NR3C2: variants seen among roughly 807,000 people sequenced by gnomAD.
NR3C2 encodes mineralocorticoid receptor.
NR3C2 carries 15 observed loss-of-function variants against 86.4 expected under a neutral mutation model. The observed-to-expected ratio is 0.17, with a 90% CI of 0.12 to 0.27. The LOEUF (loss-of-function observed/expected upper bound fraction) is 0.27. Ranked by LOEUF, NR3C2 falls within the 10% of genes least tolerant of loss-of-function variation. NR3C2 has a pLI of 1.00. For missense variants in NR3C2, 960 were observed against 1,195.6 expected, an observed-to-expected ratio of 0.80 and a Z score of 2.91; for synonymous variants, 458 against 450.5, an observed-to-expected ratio of 1.02 and a Z score of -0.21.
chr4:148,156,528 T>A (rs1734394916), intron 4 of NR3C2, among the ~76,000 whole-genome samples: 1 of 152,158 alleles, frequency 6.6e-6, no homozygotes, highest in African/African-American at 2.4e-5. Flanking sequence ...AGAAGACATT[T>A]ATGCAGCCAA....
chr4:148,163,275 CCTAA>C (rs1734742994), intron 4 of NR3C2, among the ~76,000 whole-genome samples: 1 of 151,996 alleles, frequency 6.6e-6, no homozygotes, highest in Non-Finnish European at 1.5e-5. Flanking sequence ...GCAGTTCTGC[CCTAA>C]GGTAGAAGAA....
Position 148,435,544 on chromosome 4 carries a change from G to C in NR3C2, c.1317C>G (p.Thr439=). Residue 439 remains threonine, a synonymous_variant, in exon 2 of 9, where the codon ACC becomes ACG. Coordinates refer to ENST00000358102, the MANE Select transcript of NR3C2 (RefSeq NM_000901.5). The part of the protein sequence containing the change: ...QESTKHSCSG[T]SFKGNPTVNP... ...TTACTGTTGGATTCCCTTTAAAAGA[G>C]GTGCCTGAACATGAATGCTTGGTTG... 2 of 1,614,068 alleles carry C rather than the reference G, an allele frequency of 1.2e-6. No homozygotes were observed. Among genetic ancestry groups the C allele is most frequent in the Non-Finnish European group, 1.7e-6 (2 of 1,180,030 alleles).
At chr4:148,350,578 C>T (rs1359071265) in intron 2 of NR3C2, among the ~76,000 whole-genome samples, 1 of 152,170 alleles carries the variant, frequency 6.6e-6, no homozygotes, top group East Asian at 1.9e-4. Flanking sequence ...GAATAGTCTC[C>T]TAACCCATCT....
intron 3 of NR3C2, among the ~76,000 whole-genome samples, chr4:148,229,026 G>C (rs1330741517): frequency 6.6e-6 from 1 of 152,194 alleles, no homozygotes; most frequent in Non-Finnish European, 1.5e-5. Flanking sequence ...TTCTTGCCCA[G>C]GTCCCATGAA....
chr4:148,394,799 A>C (rs1248154589), intron 2 of NR3C2, among the ~76,000 whole-genome samples: 4 of 152,236 alleles, frequency 2.6e-5, no homozygotes, highest in Non-Finnish European at 5.9e-5. Context: ...TTGTGGTGAA[A>C]TAATTGGTAA....
chr4:148,426,712 C>T lies in NR3C2; in HGVS notation c.1757+8392G>A, dbSNP rs150896416. Among the ~76,000 whole-genome samples the T allele has an allele frequency of 2.4e-4, 37 of 152,304 alleles. No individual in the cohort carries two copies. In the East Asian group the frequency reaches 6.4e-3, roughly 26 times the overall value. On this transcript the variant is annotated intron_variant, in intron 2 of 8. Transcript: ENST00000358102. ...GTACTTGAGTCACTACATACATTCC[C>T]TCCCTGGGTAATATTACTTTTAACA... is the stretch of plus-strand genomic sequence containing the variant.
chr4:148,319,161 A>G (rs1743405753), intron 2 of NR3C2, among the ~76,000 whole-genome samples: 1 of 151,236 alleles, frequency 6.6e-6, no homozygotes, highest in Admixed American at 6.6e-5. Flanking sequence ...CGTTTTTCTC[A>G]GGTTTGTCAA....
rs1178425760 is a variant in NR3C2 at position 148,079,615 on chromosome 4, A to AGAT, written c.*1726_*1728dup. ...GCAATCATATTGTTAGTTTCCCCAAAGATACATATGTTTGTGATTTGGGGC... is the reference window on the plus strand; with the variant it reads ...GCAATCATATTGTTAGTTTCCCCAAAGATGATACATATGTTTGTGATTTGGGGC... On this transcript the variant is annotated 3_prime_UTR_variant, in exon 9 of 9. Transcript: ENST00000358102. 6.6e-6 allele frequency: 1 copy of AGAT among 151,036 alleles called. No individual in the cohort carries two copies. Among genetic ancestry groups the AGAT allele is most frequent in the African/African-American group, 2.5e-5 (1 of 39,972 alleles). 9.4% of individuals were successfully genotyped at this position (151,036 alleles called of 1,614,324 possible).
chr4:148,405,058 A>G (rs1748347873), intron 2 of NR3C2, among the ~76,000 whole-genome samples: 1 of 144,516 alleles, frequency 6.9e-6, no homozygotes, highest in African/African-American at 2.5e-5. Context: ...TAATTTCTAG[A>G]AAGATTTTGG....
In NR3C2 at chr4:148,216,864, C is replaced by T. The variant is rs541845308; in HGVS notation, c.1898-22002G>A. Among the ~76,000 whole-genome samples the T allele has an allele frequency of 5.8e-4, 88 of 152,252 alleles. 2 individuals are homozygous for T. The South Asian group carries it at 0.012, about 21-fold the overall frequency. On this transcript the variant is annotated intron_variant, in intron 3 of 8. Coordinates refer to ENST00000358102, the MANE Select transcript of NR3C2 (RefSeq NM_000901.5). ...TAGCTCATGATCACAACCAGAGGTA[C>T]GGTCTCCAAAGGTATCAAATTACAG...
At chr4:148,366,731 G>C (rs115996664) in intron 2 of NR3C2, among the ~76,000 whole-genome samples, 1 of 151,862 alleles carries the variant, frequency 6.6e-6, no homozygotes, top group African/African-American at 2.4e-5. Flanking sequence ...TAAATCCAGA[G>C]GGACTACTCT....
At chr4:148,135,141 A>G (rs1261799550) in intron 6 of NR3C2, among the ~76,000 whole-genome samples, 1 of 152,150 alleles carries the variant, frequency 6.6e-6, no homozygotes, top group African/African-American at 2.4e-5. Context: ...CAACAAGGAA[A>G]AGGAACAGCA....
chr4:148,442,702 G>A (rs1055699977), upstream of NR3C2: 3 of 985,284 alleles, frequency 3.0e-6, no homozygotes, highest in Non-Finnish European at 3.6e-6. Flanking sequence ...CTGCGACACA[G>A]CCTGGACTCG....
intron 3 of NR3C2, among the ~76,000 whole-genome samples, chr4:148,231,288 G>C (rs1738447086): frequency 6.6e-6 from 1 of 152,102 alleles, no homozygotes; most frequent in Admixed American, 6.5e-5. Flanking sequence ...CGGCCTTTTT[G>C]CTATAACCAT....
chr4:148,356,921 G>GTGTGTC (rs1254590921), intron 2 of NR3C2, among the ~76,000 whole-genome samples: 1 of 43,876 alleles, frequency 2.3e-5, no homozygotes, highest in African/African-American at 7.0e-5. Context: ...GTGTGTGTGT[G>GTGTGTC]TGTGTGTGTG....
rs1197385083 is a variant in NR3C2 at position 148,138,026 on chromosome 4, G to C, written c.2510+14443C>G. 3.9e-5 allele frequency among the ~76,000 whole-genome samples: 6 copies of C among 152,008 alleles called. No homozygotes were observed. In the East Asian group the frequency reaches 1.2e-3, roughly 29 times the overall value. On this transcript the variant is annotated intron_variant, in intron 6 of 8. Coordinates refer to ENST00000358102, the MANE Select transcript of NR3C2 (RefSeq NM_000901.5). ...GAAAAGTTGTTTTAATTTCTAATAT[G>C]GGTAAATATCAATAGATATAACTTA...
At position 148,434,692 on chromosome 4, in the gene NR3C2, T is replaced by TA. The variant is rs759966909; in HGVS notation, c.1757+411dup. ...TGATGATTAATAAAGAAAGCCATAA[T>TA]AAAAAAAAGGACTAAGACCACAAAT... is the stretch of plus-strand genomic sequence containing the variant. On this transcript the variant is annotated intron_variant, in intron 2 of 8. Transcript: ENST00000358102. Among the ~76,000 whole-genome samples the TA allele has an allele frequency of 4.6e-5, 7 of 151,462 alleles. No homozygotes were observed. The East Asian group carries it at 5.8e-4, about 13-fold the overall frequency.
chr4:148,178,049 C>G (rs913536888), intron 4 of NR3C2, among the ~76,000 whole-genome samples: 1 of 152,176 alleles, frequency 6.6e-6, no homozygotes, highest in Non-Finnish European at 1.5e-5. Context: ...CAAAATAAAG[C>G]CTTCAGGGCT....
chr4:148,402,759 A>C (rs1001065982), intron 2 of NR3C2, among the ~76,000 whole-genome samples: 46 of 152,324 alleles, frequency 3.0e-4, no homozygotes, highest in African/African-American at 1.1e-3. Flanking sequence ...TTTATTTAAA[A>C]GTCTTCAGCA....
Sources: gnomAD v4.1 joint callset for allele counts (sites outside exome capture counted in the v4.1 genomes callset) on GRCh38, gnomAD v4.1.1 for gene constraint, MANE v1.5 for transcripts, NCBI Gene and HGNC (gene_info 2026-07-23, HGNC 2026-07-21) for gene names.